ZNF284: variants seen among roughly 807,000 people sequenced by gnomAD.
The protein encoded by ZNF284 is zinc finger protein 284.
A neutral mutation model predicts 12.9 loss-of-function variants in ZNF284; 12 were observed. The observed-to-expected ratio is 0.93, with a 90% confidence interval of 0.60 to 1.51. The LOEUF (loss-of-function observed/expected upper bound fraction) is 1.51, where lower values mean the gene tolerates loss of function less well. Among genes scored for constraint, ZNF284 ranks in the 40% most tolerant of loss-of-function variants. The probability of loss-of-function intolerance (pLI) is 0.00; values close to 1 mark genes in which losing one functional copy is unlikely to be tolerated. For synonymous variants in ZNF284, 225 were observed against 236.5 expected, an observed-to-expected ratio of 0.95 and a Z score of 0.45; for missense variants, 667 against 707.3, an observed-to-expected ratio of 0.94 and a Z score of 0.65.
At position 44,087,185 on chromosome 19, in the gene ZNF284, T is replaced by C. The variant is rs1165894043; in HGVS notation, c.1707T>C (p.Cys569=). Residue 569 remains cysteine (C), a synonymous_variant, in exon 5 of 5, where the codon TGT becomes TGC. Transcript: ENST00000421176. ...SDHSGEKTSK[C]EDCGKRYERR... is the part of the protein sequence containing the mutation. ...ACAGTGGAGAAAAAACATCCAAATG[T>C]GAGGACTGTGGGAAGCGCTACGAGA... 6.2e-7 allele frequency: 1 copy of C among 1,613,634 alleles called. No homozygotes were observed. The highest frequency in any genetic ancestry group is 8.5e-7 in the Non-Finnish European group (1 of 1,179,706).
rs574092229 is a variant in ZNF284 at position 44,077,926 on chromosome 19, C to G, written c.15+1522C>G. On this transcript the variant is annotated intron_variant, in intron 2 of 4. Transcript: ENST00000421176. ...GTCCTCTTCTCTTCCTGTTGTGCCA[C>G]CTCCTCAGGTGCACCTAGTACTCCA... Among the ~76,000 whole-genome samples the G allele has an allele frequency of 3.2e-4, 48 of 152,188 alleles. 1 individual carries two copies. Among genetic ancestry groups the G allele is most frequent in the African/African-American group, 1.1e-3 (46 of 41,526 alleles).
chr19:44,083,781 G>T (rs2147505816), intron 4 of ZNF284, among the ~76,000 whole-genome samples: 1 of 152,128 alleles, frequency 6.6e-6, no homozygotes, highest in East Asian at 1.9e-4. Context: ...AGGTTTTAAG[G>T]CTATGTGTAC....
At position 44,081,071 on chromosome 19, in the gene ZNF284, G is replaced by T; in HGVS notation, c.72G>T (p.Leu24=). ...AVVFTEEELG[L]LDVSQRKLYR... ...TCTTCACCGAGGAGGAGCTGGGGCT[G>T]CTGGACGTTTCCCAGAGGAAGCTGT... The change falls in exon 3 of 5, where the codon CTG becomes CTT. Residue 24 remains leucine, a synonymous_variant. Coordinates refer to ENST00000421176, the MANE Select transcript of ZNF284 (RefSeq NM_001037813.4). 2 of 1,613,156 alleles carry T rather than the reference G, an allele frequency of 1.2e-6. No homozygotes were observed. The highest frequency in any genetic ancestry group is 1.7e-6 in the Non-Finnish European group (2 of 1,179,402).
At chr19:44,083,559 T>C (rs1376435517) in intron 4 of ZNF284, among the ~76,000 whole-genome samples, 1 of 149,118 alleles carries the variant, frequency 6.7e-6, no homozygotes, top group Non-Finnish European at 1.5e-5. Context: ...CTGTGTCTTA[T>C]ATATTTCTAT....
chr19:44,083,139 C>G (rs1163920683), intron 4 of ZNF284, among the ~76,000 whole-genome samples: 6 of 151,976 alleles, frequency 3.9e-5, no homozygotes, highest in African/African-American at 1.4e-4. Context: ...TCTGACCACT[C>G]TATTTAAAAT....
chr19:44,076,168 C>A (rs1395326275), intron 1 of ZNF284, among the ~76,000 whole-genome samples, 154 bp from the exon 2 acceptor site: 1 of 152,096 alleles, frequency 6.6e-6, no homozygotes, highest in Non-Finnish European at 1.5e-5. Flanking sequence ...CATAGGAAGG[C>A]ATTTTGGTTG....
In ZNF284 at chr19:44,072,187, A is replaced by G. The variant is rs995333338; in HGVS notation, c.-173A>G. On this transcript the variant is annotated 5_prime_UTR_variant, in exon 1 of 5. Coordinates refer to ENST00000421176, the MANE Select transcript of ZNF284 (RefSeq NM_001037813.4). ...GTGCATTCGGTGGTAGTTTGGTGTC[A>G]GTCCTGTGTCTTGTCGGTCCTTCTA... is the stretch of plus-strand genomic sequence containing the variant. 1.3e-5 allele frequency: 2 copies of G among 152,414 alleles called. No homozygotes were observed. Among genetic ancestry groups the G allele is most frequent in the African/African-American group, 2.4e-5 (1 of 41,436 alleles). 9.4% of individuals were successfully genotyped at this position (152,414 alleles called of 1,614,324 possible).
chr19:44,083,450 A>AAT (rs1290254473), intron 4 of ZNF284, among the ~76,000 whole-genome samples: 1,844 of 60,218 alleles, frequency 0.031, 127 homozygotes, highest in African/African-American at 0.06. Flanking sequence ...TAAATAAAGA[A>AAT]ATATATATAT....
In ZNF284 at chr19:44,081,020, A is replaced by C. The variant is rs780052807; in HGVS notation, c.21A>C (p.Ala7=). The change falls in exon 3 of 5, where the codon GCA becomes GCC. Residue 7 remains alanine, a synonymous_variant. Transcript: ENST00000421176. ...GCATACGTTTGTTGTTGTAGGAGGC[A>C]GTGACCTTCAAGGATGTGGCTGTGG... is the stretch of plus-strand genomic sequence containing the variant. The part of the protein sequence containing the change: MTMFKE[A]VTFKDVAVVF... The C allele has an allele frequency of 8.7e-6, 14 of 1,611,642 alleles. No individual in the cohort carries two copies. The highest frequency in any genetic ancestry group is 1.2e-5 in the Non-Finnish European group (14 of 1,178,556).
At chr19:44,078,361 T>G (rs985119653) in intron 2 of ZNF284, among the ~76,000 whole-genome samples, 4 of 152,180 alleles carry the variant, frequency 2.6e-5, no homozygotes, top group African/African-American at 9.7e-5. Context: ...CCTTGAAAGA[T>G]TTTGGAGTTT....
In ZNF284 at chr19:44,086,498, G is replaced by A. The variant is rs1399820303; in HGVS notation, c.1020G>A (p.Glu340=). Residue 340 remains glutamate (E), a synonymous_variant, in exon 5 of 5, where the codon GAG becomes GAA. Transcript: ENST00000421176. ...GTCATTGCATGGACCACACAAAAGA[G>A]AAACTATACAAATGTGAAGAATGTG... ...LNSHCMDHTK[E]KLYKCEECGR... 6.2e-7 allele frequency: 1 copy of A among 1,614,148 alleles called. No homozygotes were observed. The highest frequency in any genetic ancestry group is 1.7e-5 in the Admixed American group (1 of 60,018).
Position 44,087,286 on chromosome 19 carries a change from G to A in ZNF284, c.*26G>A, listed in dbSNP as rs756641846. 3.0e-5 allele frequency: 44 copies of A among 1,445,940 alleles called. No homozygotes were observed. The East Asian group carries it at 1.1e-3, about 35-fold the overall frequency. 89.6% of individuals were successfully genotyped at this position (1,445,940 alleles called of 1,614,324 possible). On this transcript the variant is annotated 3_prime_UTR_variant, in exon 5 of 5. Coordinates refer to ENST00000421176, the MANE Select transcript of ZNF284 (RefSeq NM_001037813.4). The stretch of plus-strand genomic sequence containing the variant: ...TTATTGTCCATATTTATGGGTTACA[G>A]CATATTTCAATACATGTATACAATG...
Position 44,086,142 on chromosome 19 carries a change from CAGAGAATCCACACTGG to C in ZNF284, c.671_686del (p.Ile224AsnfsTer182). ...TCAGAACTCACAACTGCAAACTCATCAGAGAATCCACACTGGAGAGAAACCATTCAAATGTGAGCAG... is the reference window on the plus strand; with the variant it reads ...TCAGAACTCACAACTGCAAACTCATCAGAGAAACCATTCAAATGTGAGCAG... On this transcript the variant is annotated frameshift_variant, in exon 5 of 5. Transcript: ENST00000421176. LOFTEE classifies it low-confidence loss of function (END_TRUNC). 1 of 1,614,170 alleles carries C rather than the reference CAGAGAATCCACACTGG, an allele frequency of 6.2e-7. No individual in the cohort carries two copies. Among genetic ancestry groups the C allele is most frequent in the South Asian group, 1.1e-5 (1 of 91,080 alleles).
chr19:44,076,285 C>CT, intron 1 of ZNF284, 37 bp from the exon 2 acceptor site: 1 of 1,159,816 alleles, frequency 8.6e-7, no homozygotes, highest in Admixed American at 2.2e-5. Context: ...CCCTTCATGT[C>CT]TCTTTTTTTT....
rs77027740 is a variant in ZNF284, at chr19:44,089,262, G to A, written c.*2002G>A. 4,357 of 152,116 alleles carry A rather than the reference G, an allele frequency of 0.029. 102 individuals are homozygous for A. Among genetic ancestry groups the A allele is most frequent in the South Asian group, 0.066 (316 of 4,806 alleles). 9.4% of individuals were successfully genotyped at this position (152,116 alleles called of 1,614,324 possible). On this transcript the variant is annotated 3_prime_UTR_variant, in exon 5 of 5. Transcript: ENST00000421176. The stretch of plus-strand genomic sequence containing the variant: ...TTGCTTCAATCCCCTGAGAAGCTGG[G>A]ACTACAGGCATGGACCACCACCCCT...
At chr19:44,080,023 C>T (rs1489999308) in intron 2 of ZNF284, among the ~76,000 whole-genome samples, 1 of 152,158 alleles carries the variant, frequency 6.6e-6, no homozygotes, top group Non-Finnish European at 1.5e-5. Context: ...CTTGCTTATT[C>T]CTGGAGAAAA....
intron 4 of ZNF284, chr19:44,085,243 A>G (rs188323540): frequency 1.9e-5 from 3 of 154,328 alleles, no homozygotes; most frequent in East Asian, 1.9e-4. Context: ...GAATTTGCAT[A>G]TCGGCCTTGT....
At chr19:44,074,625 G>A (rs1367511474) in intron 1 of ZNF284, among the ~76,000 whole-genome samples, 2 of 152,092 alleles carry the variant, frequency 1.3e-5, no homozygotes, top group Non-Finnish European at 2.9e-5. Flanking sequence ...GGTAAGAGGT[G>A]TTTAGAAAGG....
intron 2 of ZNF284, among the ~76,000 whole-genome samples, chr19:44,079,689 A>G (rs1288756551): frequency 6.6e-6 from 1 of 151,402 alleles, no homozygotes; most frequent in Non-Finnish European, 1.5e-5. Flanking sequence ...GCCTGGGGAC[A>G]GAGTGAGACT....
Sources: allele counts gnomAD v4.1 joint callset (sites outside exome capture counted in the v4.1 genomes callset), GRCh38; gene constraint gnomAD v4.1.1; transcripts MANE v1.5; gene names NCBI Gene and HGNC (gene_info 2026-07-23, HGNC 2026-07-21).